The following DCLK1 variants were observed in gnomAD, a reference collection of about 807,000 sequenced individuals.
DCLK1 encodes the protein serine/threonine-protein kinase DCLK1.
DCLK1 carries 16 observed loss-of-function variants against 86.2 expected under a neutral mutation model. The observed-to-expected ratio is 0.19, with a 90% CI of 0.13 to 0.28. DCLK1 has a LOEUF of 0.28. DCLK1 is among the 10% of genes least tolerant of loss of function. DCLK1 has a pLI of 1.00. For missense variants in DCLK1, 590 were observed against 940.2 expected (o/e 0.63, Z 4.87); for synonymous variants, 369 against 370.5 (o/e 1.00, Z 0.05).
In DCLK1 at chr13:35,957,119, C is replaced by T. The variant is rs2153135739; in HGVS notation, c.724-9662G>A. ...AAGTGTTTATAAGCCTACAAAACAC[C>T]ATTAATAGAATAGGTTTGGGGCAAA... On this transcript the variant is annotated intron_variant, in intron 3 of 16. Coordinates refer to ENST00000360631, the MANE Select transcript of DCLK1 (RefSeq NM_001330071.2). Among the ~76,000 whole-genome samples, 2 of 152,114 alleles carry T rather than the reference C, an allele frequency of 1.3e-5. 1 individual carries two copies. The highest frequency in any genetic ancestry group is 4.2e-4 in the South Asian group (2 of 4,810).
chr13:36,056,906 A>AAAAATAT lies in DCLK1; in HGVS notation c.723+54962_723+54963insATATTTT, dbSNP rs4054844. ...GCAAGACTGTGACAAAAAAAAAAAA[A>AAAAATAT]ATATATATATATATATATATACACA... On this transcript the variant is annotated intron_variant, in intron 3 of 16. Coordinates refer to ENST00000360631, the MANE Select transcript of DCLK1 (RefSeq NM_001330071.2). 1.6e-3 allele frequency among the ~76,000 whole-genome samples: 209 copies of AAAAATAT among 130,136 alleles called. 1 individual carries two copies. Among genetic ancestry groups the AAAAATAT allele is most frequent in the African/African-American group, 5.2e-3 (184 of 35,518 alleles). 85.4% of individuals were successfully genotyped at this position (130,136 alleles called of 152,430 possible). A position where few individuals can be genotyped will look rare whatever the true frequency, so the allele number is the denominator to read the frequency against.
At chr13:35,786,727 A>C (rs2153098613) in intron 16 of DCLK1, among the ~76,000 whole-genome samples, 1 of 152,320 alleles carries the variant, frequency 6.6e-6, no homozygotes, top group Non-Finnish European at 1.5e-5. Flanking sequence ...GTCTGCACAA[A>C]GGCAGATTAT....
intron 6 of DCLK1, among the ~76,000 whole-genome samples, chr13:35,840,074 G>A (rs1309605616): frequency 1.3e-5 from 2 of 152,148 alleles, no homozygotes; most frequent in Non-Finnish European, 2.9e-5. Flanking sequence ...GAGGCGGTGA[G>A]GGGGCGGGCG....
In DCLK1 at chr13:36,113,464, C is replaced by T. The variant is rs73165324; in HGVS notation, c.377-1249G>A. Among the ~76,000 whole-genome samples, 764 of 152,234 alleles carry T rather than the reference C, an allele frequency of 5.0e-3. 4 individuals carry two copies. Among genetic ancestry groups the T allele is most frequent in the Middle Eastern group, 0.017 (5 of 294 alleles). On this transcript the variant is annotated intron_variant, in intron 2 of 16. Coordinates refer to ENST00000360631, the MANE Select transcript of DCLK1 (RefSeq NM_001330071.2). Reference sequence around the variant, plus strand: ...CAGATCATGACTTGTCTCAGCTATGCCTTCCTCAGGATTTAAGTAAATATC... The same window carrying T: ...CAGATCATGACTTGTCTCAGCTATGTCTTCCTCAGGATTTAAGTAAATATC...
chr13:36,071,306 A>G (rs1883966659), intron 3 of DCLK1, among the ~76,000 whole-genome samples: 1 of 152,188 alleles, frequency 6.6e-6, no homozygotes, highest in Non-Finnish European at 1.5e-5. Flanking sequence ...TACAAAATAC[A>G]ACTTCATTTT....
chr13:35,866,453 CTT>C (rs34793570), intron 5 of DCLK1, among the ~76,000 whole-genome samples: 193 of 134,250 alleles, frequency 1.4e-3, no homozygotes, highest in Non-Finnish European at 1.4e-3. Context: ...AACAAAGACT[CTT>C]TTTTTTTTTT....
chr13:36,060,725 AC>A (rs1192349477), intron 3 of DCLK1, among the ~76,000 whole-genome samples: 1 of 152,224 alleles, frequency 6.6e-6, no homozygotes, highest in African/African-American at 2.4e-5. Context: ...CCAGACTGCA[AC>A]AAAACTTTCT....
chr13:35,932,996 T>A (rs974693962), intron 4 of DCLK1, among the ~76,000 whole-genome samples: 2 of 152,180 alleles, frequency 1.3e-5, no homozygotes, highest in Non-Finnish European at 2.9e-5. Flanking sequence ...GTTAGTTACT[T>A]CCTAGATACA....
chr13:36,067,880 G>A (rs1237833116), intron 3 of DCLK1, among the ~76,000 whole-genome samples: 1 of 152,130 alleles, frequency 6.6e-6, no homozygotes, highest in Non-Finnish European at 1.5e-5. Context: ...GCCCCCCACA[G>A]AACACTAATC....
At chr13:36,101,668 T>G (rs998808262) in intron 3 of DCLK1, among the ~76,000 whole-genome samples, 6 of 144,898 alleles carry the variant, frequency 4.1e-5, no homozygotes, top group Non-Finnish European at 7.8e-5. Context: ...GGTCCGCATC[T>G]CTGCCTGCTC....
intron 5 of DCLK1, among the ~76,000 whole-genome samples, chr13:35,856,082 T>C (rs1023568652): frequency 2.0e-5 from 3 of 152,312 alleles, no homozygotes; most frequent in African/African-American, 7.2e-5. Flanking sequence ...CCTTAAAAAA[T>C]GTCACATACC....
At position 35,793,284 on chromosome 13, in the gene DCLK1, A is replaced by C; in HGVS notation, c.2058+82T>G. On this transcript the variant is annotated intron_variant, in intron 16 of 16. Coordinates refer to ENST00000360631, the MANE Select transcript of DCLK1 (RefSeq NM_001330071.2). ...GAAATGACCCATTCTGCTGTCTCTG[A>C]CTGGAGAATCTCCTGAGTAATGCCT... The C allele has an allele frequency of 3.7e-6, 4 of 1,094,662 alleles. No homozygotes were observed. The South Asian group carries it at 6.3e-5, about 17-fold the overall frequency. The allele number at this position is 1,094,662 out of a possible 1,614,324, so 67.8% of individuals were successfully genotyped here.
At chr13:35,822,583 T>A (rs558328915) in intron 11 of DCLK1, 146 bp downstream of exon 11, 1 of 1,128,196 alleles carries the variant, frequency 8.9e-7, no homozygotes, top group South Asian at 1.5e-5. Context: ...CCTAAAAGGC[T>A]AGTTTCCAAC....
chr13:36,033,227 A>G (rs1177925304), intron 3 of DCLK1, among the ~76,000 whole-genome samples: 2 of 152,248 alleles, frequency 1.3e-5, no homozygotes, highest in Non-Finnish European at 2.9e-5. Flanking sequence ...AAAGTTTCAC[A>G]TTAAGTCAGA....
intron 3 of DCLK1, among the ~76,000 whole-genome samples, chr13:36,090,935 T>G (rs9546339): frequency 0.25 from 37,766 of 151,906 alleles, 4,940 homozygotes; most frequent in East Asian, 0.5. Context: ...CTTGGGCACA[T>G]AGCCCATGGC....
chr13:36,120,596 A>T lies in DCLK1; in HGVS notation c.376+5166T>A, dbSNP rs551231917. 1.2e-3 allele frequency among the ~76,000 whole-genome samples: 177 copies of T among 152,272 alleles called. 1 individual carries two copies. Among genetic ancestry groups the T allele is most frequent in the African/African-American group, 4.1e-3 (170 of 41,564 alleles). On this transcript the variant is annotated intron_variant, in intron 2 of 16. Transcript: ENST00000360631. ...TTTCTCAGAACATATCCACACTATT[A>T]AATGACACATGACTGCCCTCTCAAT...
chr13:36,078,824 T>C (rs149712739), intron 3 of DCLK1, among the ~76,000 whole-genome samples: 1 of 152,306 alleles, frequency 6.6e-6, no homozygotes, highest in Non-Finnish European at 1.5e-5. Flanking sequence ...TGTGAATCAT[T>C]TCCTACAAAA....
At position 36,125,743 on chromosome 13, in the gene DCLK1, G is replaced by A. The variant is rs779877665; in HGVS notation, c.376+19C>T. The A allele has an allele frequency of 6.2e-7, 1 of 1,602,916 alleles. No homozygotes were observed. The highest frequency in any genetic ancestry group is 8.5e-7 in the Non-Finnish European group (1 of 1,173,684). On this transcript the variant is annotated intron_variant, in intron 2 of 16. Transcript: ENST00000360631. ...CTGGAACCTGTAGGGTCACGTGGGG[G>A]TTATCTCACAGCGCTCACCTTCCAC... is the stretch of plus-strand genomic sequence containing the variant.
At chr13:36,065,741 T>G (rs370939111) in intron 3 of DCLK1, among the ~76,000 whole-genome samples, 1 of 152,194 alleles carries the variant, frequency 6.6e-6, no homozygotes, top group African/African-American at 2.4e-5. Flanking sequence ...TCTGGCTAAT[T>G]TGGCACATTG....
Sources: gnomAD v4.1 joint callset for allele counts (sites outside exome capture counted in the v4.1 genomes callset) on GRCh38, gnomAD v4.1.1 for gene constraint, MANE v1.5 for transcripts, NCBI Gene and HGNC (gene_info 2026-07-23, HGNC 2026-07-21) for gene names.